ATXN7: variants seen among roughly 807,000 people sequenced by gnomAD.
ATXN7 encodes the protein ataxin 7.
In ATXN7, 12 loss-of-function variants were observed where a neutral mutation model predicts 70.5. The ratio of observed to expected loss-of-function variants is 0.17; its 90% CI spans 0.11 to 0.28. The LOEUF is 0.28. Ranked by LOEUF, ATXN7 falls within the 10% of genes least tolerant of loss-of-function variation. ATXN7 has a pLI of 1.00. For missense variants in ATXN7, 1,256 were observed against 1,131.7 expected (o/e 1.11, Z -1.58); for synonymous variants, 498 against 448.7 (o/e 1.11, Z -1.39).
rs1308904622 is a variant in ATXN7 at position 63,912,696 on chromosome 3, A to AGCAGCC, written c.103_104insCGCAGC (p.Gln34_Gln35insProGln). On this transcript the variant is annotated inframe_insertion, in exon 3 of 13. Coordinates refer to ENST00000674280, the MANE Select transcript of ATXN7 (RefSeq NM_001377405.1). ...GCCGCGGCCGCCCGGCAGCAGCAGCAGCAGCAGCAGCAGCAGCAGCCGCCG... is the reference window on the plus strand; with the variant it reads ...GCCGCGGCCGCCCGGCAGCAGCAGCAGCAGCCGCAGCAGCAGCAGCAGCAGCCGCCG... 2.6e-6 allele frequency: 3 copies of AGCAGCC among 1,159,932 alleles called. No individual in the cohort carries two copies. The highest frequency in any genetic ancestry group is 2.1e-6 in the Non-Finnish European group (2 of 934,618). 71.9% of individuals were successfully genotyped at this position (1,159,932 alleles called of 1,614,324 possible).
At chr3:63,941,525 C>T (rs1019905514) in intron 4 of ATXN7, among the ~76,000 whole-genome samples, 1 of 152,146 alleles carries the variant, frequency 6.6e-6, no homozygotes, top group Non-Finnish European at 1.5e-5. Context: ...TGCCCCAGTC[C>T]CATGGAAAAA....
At chr3:63,863,814 CGGCGGCGGCGCAAGCTGA>C (rs1249603874), upstream of ATXN7, 5 of 1,234,142 alleles carry the variant, frequency 4.1e-6, no homozygotes, top group African/African-American at 7.9e-5. Flanking sequence ...GCGGCGGCGG[CGGCGGCGGCGCAAGCTGA>C]GGCGGCGGTT....
chr3:63,982,034 T>G, intron 6 of ATXN7, 152 bp from the exon 7 acceptor site: 1 of 1,021,348 alleles, frequency 9.8e-7, no homozygotes, highest in Non-Finnish European at 1.4e-6. Flanking sequence ...GTATGAACCT[T>G]ACTAACAAAA....
intron 1 of ATXN7, among the ~76,000 whole-genome samples, chr3:63,891,352 T>C (rs1277427480): frequency 6.7e-6 from 1 of 149,906 alleles, no homozygotes; most frequent in Non-Finnish European, 1.5e-5. Flanking sequence ...GGGGTCTTGC[T>C]CTTTTGCACT....
intron 5 of ATXN7, among the ~76,000 whole-genome samples, chr3:63,958,663 T>C (rs1240816331): frequency 6.6e-6 from 1 of 152,160 alleles, no homozygotes; most frequent in African/African-American, 2.4e-5. Context: ...AGAAAGAAAA[T>C]GTTTTTTTTC....
At chr3:63,929,881 C>T (rs561354473) in intron 4 of ATXN7, among the ~76,000 whole-genome samples, 3 of 152,200 alleles carry the variant, frequency 2.0e-5, no homozygotes, top group Admixed American at 6.5e-5. Context: ...TCTCTCTGAC[C>T]GCAGAGCCTG....
intron 1 of ATXN7, among the ~76,000 whole-genome samples, chr3:63,868,134 C>T (rs1454682674): frequency 6.6e-6 from 1 of 152,164 alleles, no homozygotes; most frequent in Non-Finnish European, 1.5e-5. Context: ...GTAAATGGGT[C>T]TTTCAGCTCC....
At chr3:63,903,281 G>A (rs1018553870) in intron 2 of ATXN7, among the ~76,000 whole-genome samples, 20 of 151,446 alleles carry the variant, frequency 1.3e-4, no homozygotes, top group Non-Finnish European at 2.5e-4. Flanking sequence ...CACCTACCCC[G>A]GAGGCTGAGG....
chr3:63,877,924 A>G (rs1024994869), intron 1 of ATXN7, among the ~76,000 whole-genome samples: 16 of 152,234 alleles, frequency 1.1e-4, no homozygotes, highest in Non-Finnish European at 2.1e-4. Flanking sequence ...AGCATATGCC[A>G]GTCCTCTCCT....
chr3:63,945,513 A>G (rs1261133622), intron 4 of ATXN7, among the ~76,000 whole-genome samples: 1 of 152,258 alleles, frequency 6.6e-6, no homozygotes, highest in African/African-American at 2.4e-5. Context: ...GATGATGACC[A>G]TGTGTCACTA....
At chr3:63,949,387 A>T (rs1325919710) in intron 4 of ATXN7, among the ~76,000 whole-genome samples, 2 of 152,030 alleles carry the variant, frequency 1.3e-5, no homozygotes, top group Admixed American at 6.6e-5. Context: ...ACGTTTTCAT[A>T]AAATGAACTC....
In ATXN7 at chr3:64,001,562, A is replaced by AT. The variant is rs1419512740; in HGVS notation, c.*2096dup. On this transcript the variant is annotated 3_prime_UTR_variant, in exon 13 of 13. Transcript: ENST00000674280. ...GATCATGTTGTTCCGAAAGATGTGA[A>AT]TAGGATCCACAATAACAAGTTGATT... 1 of 152,252 alleles carries AT rather than the reference A, an allele frequency of 6.6e-6. No individual in the cohort carries two copies. The highest frequency in any genetic ancestry group is 2.4e-5 in the African/African-American group (1 of 41,472). The allele number at this position is 152,252 out of a possible 1,614,324, so 9.4% of individuals were successfully genotyped here. A position where few individuals can be genotyped will look rare whatever the true frequency, so the allele number is the denominator to read the frequency against.
At chr3:63,934,526 T>A (rs2074622385) in intron 4 of ATXN7, among the ~76,000 whole-genome samples, 1 of 152,206 alleles carries the variant, frequency 6.6e-6, no homozygotes, top group African/African-American at 2.4e-5. Flanking sequence ...TATTTCTAGA[T>A]GGGAACTGAA....
intron 4 of ATXN7, among the ~76,000 whole-genome samples, chr3:63,924,486 C>T (rs1704637935): frequency 1.3e-5 from 2 of 152,130 alleles, no homozygotes; most frequent in South Asian, 4.1e-4. Flanking sequence ...AGGGCTGAGC[C>T]TTGGGTCCCT....
intron 4 of ATXN7, among the ~76,000 whole-genome samples, chr3:63,916,175 T>C (rs1311283061): frequency 6.6e-6 from 1 of 152,198 alleles, no homozygotes; most frequent in Non-Finnish European, 1.5e-5. Context: ...CCCAAGGTTA[T>C]TGTAGGAGCT....
chr3:63,907,382 C>T (rs375480734), intron 2 of ATXN7, among the ~76,000 whole-genome samples: 9 of 151,716 alleles, frequency 5.9e-5, no homozygotes, highest in East Asian at 3.9e-4. Flanking sequence ...TGGTAGCTGA[C>T]GCAGTACACT....
At chr3:63,930,928 A>G (rs1366744186) in intron 4 of ATXN7, among the ~76,000 whole-genome samples, 1 of 152,186 alleles carries the variant, frequency 6.6e-6, no homozygotes, top group South Asian at 2.1e-4. Flanking sequence ...TTCTGTGAAG[A>G]TACAATAAGA....
At chr3:63,955,092 C>G (rs1467682500) in intron 5 of ATXN7, among the ~76,000 whole-genome samples, 1 of 152,142 alleles carries the variant, frequency 6.6e-6, no homozygotes, top group Non-Finnish European at 1.5e-5. Flanking sequence ...TAATAAGATA[C>G]TTGTTGAATG....
At chr3:63,891,149 A>T (rs917582594) in intron 1 of ATXN7, among the ~76,000 whole-genome samples, 5 of 152,054 alleles carry the variant, frequency 3.3e-5, no homozygotes, top group African/African-American at 1.2e-4. Context: ...AGCTGGGACT[A>T]CAGGCACGCA....
Sources: gnomAD v4.1 joint callset for allele counts (sites outside exome capture counted in the v4.1 genomes callset) on GRCh38, gnomAD v4.1.1 for gene constraint, MANE v1.5 for transcripts, NCBI Gene and HGNC (gene_info 2026-07-23, HGNC 2026-07-21) for gene names.